MARK3: variants seen among roughly 807,000 people sequenced by gnomAD.
MARK3 encodes MAP/microtubule affinity-regulating kinase 3.
MARK3 carries 46 observed loss-of-function variants against 90.1 expected under a neutral mutation model. The ratio of observed to expected loss-of-function variants is 0.51; its 90% CI spans 0.40 to 0.65. MARK3 has a LOEUF of 0.65. Ranked by LOEUF, MARK3 falls within the 30% of genes least tolerant of loss-of-function variation. The pLI is 0.00. For missense variants in MARK3, 818 were observed against 947.2 expected, an observed-to-expected ratio of 0.86 and a Z score of 1.79; for synonymous variants, 321 against 332.6, an observed-to-expected ratio of 0.97 and a Z score of 0.38.
chr14:103,390,805 C>T (rs1462744454), intron 1 of MARK3, among the ~76,000 whole-genome samples: 2 of 152,156 alleles, frequency 1.3e-5, no homozygotes, highest in Non-Finnish European at 2.9e-5. Context: ...ACCTCTTGGG[C>T]TCAAGCAATC....
intron 16 of MARK3, 71 bp from the exon 17 acceptor site, chr14:103,500,085 G>A (rs1190798876): frequency 8.5e-7 from 1 of 1,173,504 alleles, no homozygotes; most frequent in Non-Finnish European, 1.3e-6. Flanking sequence ...GGTATTGGTG[G>A]TCATGTACTG....
intron 3 of MARK3, among the ~76,000 whole-genome samples, chr14:103,430,848 T>G (rs904405908): frequency 6.6e-5 from 10 of 152,188 alleles, no homozygotes; most frequent in Non-Finnish European, 1.0e-4. Context: ...AACGTTAGAT[T>G]CTGGTGAGAG....
rs1481079954 is a variant in MARK3, at chr14:103,488,251, C to T, written c.1587-3526C>T. Among the ~76,000 whole-genome samples the T allele has an allele frequency of 2.0e-5, 3 of 152,054 alleles. No homozygotes were observed. The East Asian group carries it at 5.8e-4, about 29-fold the overall frequency. On this transcript the variant is annotated intron_variant, in intron 14 of 17. Coordinates refer to ENST00000429436, the MANE Select transcript of MARK3 (RefSeq NM_001128918.3). ...TAAAAAAAGTCCAGGGCTAGAGTTACGGTCCATCTGCTTCTGCCTCCTTGG... is the reference window on the plus strand; with the variant it reads ...TAAAAAAAGTCCAGGGCTAGAGTTATGGTCCATCTGCTTCTGCCTCCTTGG...
chr14:103,415,150 C>CAAAAAAAAAAA (rs34245934), intron 2 of MARK3, among the ~76,000 whole-genome samples: 2 of 37,710 alleles, frequency 5.3e-5, no homozygotes, highest in South Asian at 1.9e-3. Flanking sequence ...GACCTTGTCT[C>CAAAAAAAAAAA]AAAAAAAAAA....
intron 3 of MARK3, among the ~76,000 whole-genome samples, chr14:103,431,086 G>GT (rs2092567613): frequency 6.6e-6 from 1 of 151,696 alleles, no homozygotes; most frequent in African/African-American, 2.4e-5. Context: ...TTGTTCGTTT[G>GT]TTTTTGTTTT....
At chr14:103,413,890 C>G (rs2140873228) in intron 2 of MARK3, among the ~76,000 whole-genome samples, 1 of 152,176 alleles carries the variant, frequency 6.6e-6, no homozygotes, top group Non-Finnish European at 1.5e-5. Flanking sequence ...CAGTTTGTTC[C>G]TTTTTGTTGC....
chr14:103,485,149 G>A (rs1229021777), intron 14 of MARK3, among the ~76,000 whole-genome samples: 17 of 145,980 alleles, frequency 1.2e-4, no homozygotes, highest in African/African-American at 4.3e-4. Flanking sequence ...AGAATCGCTT[G>A]AACCCAGGAG....
In MARK3 at chr14:103,407,175, TATC is replaced by T. The variant is rs1364523255; in HGVS notation, c.243+1911_243+1913del. On this transcript the variant is annotated intron_variant, in intron 2 of 17. Coordinates refer to ENST00000429436, the MANE Select transcript of MARK3 (RefSeq NM_001128918.3). ...TTCCCATTACTTTAAACGTTGGAAA[TATC>T]ATAGAGTGTTTAAATAGTCTTTACC... Among the ~76,000 whole-genome samples the T allele has an allele frequency of 2.0e-5, 3 of 152,334 alleles. No homozygotes were observed. In the East Asian group the frequency reaches 5.8e-4, roughly 29 times the overall value.
At chr14:103,439,795 T>C (rs762346105) in intron 3 of MARK3, among the ~76,000 whole-genome samples, 2 of 152,204 alleles carry the variant, frequency 1.3e-5, no homozygotes, top group Non-Finnish European at 2.9e-5. Flanking sequence ...TCCTTTTTTT[T>C]GTTTTTTTGA....
intron 14 of MARK3, among the ~76,000 whole-genome samples, chr14:103,484,371 T>C (rs561127978): frequency 1.5e-4 from 23 of 152,136 alleles, no homozygotes; most frequent in Admixed American, 1.4e-3. Flanking sequence ...GAAATGGGGT[T>C]TCACTAGGCC....
chr14:103,412,462 C>A, intron 2 of MARK3: 1 of 537,784 alleles, frequency 1.9e-6, no homozygotes, highest in Non-Finnish European at 3.3e-6. Flanking sequence ...ACTTCTTGGC[C>A]AGCTTCTTGA....
intron 4 of MARK3, among the ~76,000 whole-genome samples, chr14:103,451,148 G>A (rs1299620913): frequency 6.6e-6 from 1 of 151,628 alleles, no homozygotes; most frequent in Non-Finnish European, 1.5e-5. Flanking sequence ...GCCGAGGGTG[G>A]TGTCCAACTC....
intron 6 of MARK3, among the ~76,000 whole-genome samples, chr14:103,457,787 G>A (rs776649971): frequency 3.3e-5 from 5 of 152,180 alleles, no homozygotes; most frequent in Non-Finnish European, 7.3e-5. Context: ...CAACATTAAG[G>A]TAAATCTTAC....
At chr14:103,397,877 T>G (rs2090685984) in intron 1 of MARK3, among the ~76,000 whole-genome samples, 2 of 152,230 alleles carry the variant, frequency 1.3e-5, no homozygotes, top group Non-Finnish European at 2.9e-5. Flanking sequence ...CATGTGAGAC[T>G]ATCTTCTTGT....
Position 103,398,663 on chromosome 14 carries a change from A to G in MARK3, c.52-6413A>G, listed in dbSNP as rs150410239. 9.3e-4 allele frequency among the ~76,000 whole-genome samples: 142 copies of G among 152,298 alleles called. 2 individuals are homozygous for G. Among genetic ancestry groups the G allele is most frequent in the African/African-American group, 3.4e-3 (141 of 41,556 alleles). ...GCTGGGATTACAAGCATGAGTCACC[A>G]TGCCTGGCCAAGAGTTTTTAAATTA... On this transcript the variant is annotated intron_variant, in intron 1 of 17. Coordinates refer to ENST00000429436, the MANE Select transcript of MARK3 (RefSeq NM_001128918.3).
intron 14 of MARK3, 145 bp from the exon 15 acceptor site, chr14:103,491,632 T>C: frequency 1.3e-6 from 1 of 760,100 alleles, no homozygotes; most frequent in South Asian, 1.8e-5. Context: ...CCACTTAACT[T>C]ACCTTTTGCT....
chr14:103,448,911 T>A lies in MARK3; in HGVS notation c.298-8T>A. The A allele has an allele frequency of 6.4e-7, 1 of 1,558,778 alleles. No homozygotes were observed. Among genetic ancestry groups the A allele is most frequent in the African/African-American group, 1.4e-5 (1 of 72,416 alleles). ...GGGATTATGTGTTTTGTTTGTTTTT[T>A]TTTTTAGCTCTTCAGAGAAGTAAGA... On this transcript the variant is annotated splice_polypyrimidine_tract_variant and splice_region_variant and intron_variant, in intron 3 of 17. Coordinates refer to ENST00000429436, the MANE Select transcript of MARK3 (RefSeq NM_001128918.3).
At chr14:103,467,434 G>A in intron 11 of MARK3, 1 of 275,464 alleles carries the variant, frequency 3.6e-6, no homozygotes, top group Non-Finnish European at 6.9e-6. Context: ...GGAGGCCAAG[G>A]CGGACAGATC....
chr14:103,409,899 A>G (rs1333113332), intron 2 of MARK3, among the ~76,000 whole-genome samples: 1 of 152,172 alleles, frequency 6.6e-6, no homozygotes, highest in Non-Finnish European at 1.5e-5. Flanking sequence ...ATTCTTTAGC[A>G]TTGCGTGTCC....
Sources: gnomAD v4.1 joint callset for allele counts (sites outside exome capture counted in the v4.1 genomes callset) on GRCh38, gnomAD v4.1.1 for gene constraint, MANE v1.5 for transcripts, NCBI Gene and HGNC (gene_info 2026-07-23, HGNC 2026-07-21) for gene names.